TBC1D19: variants seen among roughly 807,000 people sequenced by gnomAD.
The protein encoded by TBC1D19 is TBC1 domain family member 19, also known as TBC1 domain family, member 19.
Under a neutral mutation model 89.0 loss-of-function variants are expected in TBC1D19, and 60 were observed. The ratio of observed to expected loss-of-function variants is 0.67; its 90% CI spans 0.55 to 0.84. The LOEUF (loss-of-function observed/expected upper bound fraction) is 0.84, where lower values mean the gene tolerates loss of function less well. Ranked by LOEUF, TBC1D19 falls within the 40% of genes least tolerant of loss-of-function variation. The pLI is 0.00. For missense variants in TBC1D19, 500 were observed against 610.8 expected (o/e 0.82, Z 1.91); for synonymous variants, 189 against 199.7 (o/e 0.95, Z 0.45).
chr4:26,734,951 CATATGTATATGTATATATGTAT>C, intron 15 of TBC1D19, among the ~76,000 whole-genome samples: 1 of 58,946 alleles, frequency 1.7e-5, no homozygotes, highest in Non-Finnish European at 4.9e-5. Context: ...TATGTATACA[CATATGTATATGTATATATGTAT>C]ACACATATGT....
At chr4:26,756,735 G>C (rs1473732604), downstream of TBC1D19, among the ~76,000 whole-genome samples, 1 of 152,158 alleles carries the variant, frequency 6.6e-6, no homozygotes, top group African/African-American at 2.4e-5. Flanking sequence ...AAGGTCAAGT[G>C]GTAGAAGATG....
chr4:26,738,686 T>C (rs1479723581), intron 16 of TBC1D19, among the ~76,000 whole-genome samples: 14 of 151,994 alleles, frequency 9.2e-5, no homozygotes, highest in Non-Finnish European at 7.4e-5. Context: ...TTTAGATATT[T>C]ACCCCCAAAA....
At chr4:26,751,916 A>C (rs1409926505) in intron 19 of TBC1D19, among the ~76,000 whole-genome samples, 20 of 152,192 alleles carry the variant, frequency 1.3e-4, no homozygotes, top group Admixed American at 1.3e-3. Flanking sequence ...GAAAGCACAC[A>C]GATTTTCATG....
At chr4:26,817,457 G>A in the TBC1D19 span, among the ~76,000 whole-genome samples, 245 of 152,186 alleles carry the variant, frequency 1.6e-3, 3 homozygotes, top group African/African-American at 5.5e-3. Context: ...TGGTAGTTGC[G>A]TGCCCTTGGA....
chr4:26,688,403 A>G lies in TBC1D19; in HGVS notation c.950A>G (p.Tyr317Cys). The G allele has an allele frequency of 6.4e-7, 1 of 1,560,788 alleles. No individual in the cohort carries two copies. The highest frequency in any genetic ancestry group is 2.3e-5 in the East Asian group (1 of 42,742). ...DYYFVFEDYL[Y>C]QVLLCFSRDT... ...TATTTTGTATTTGAAGATTATTTAT[A>G]TCAGGTAAGTTTAAAAATAAAAATA... The change falls in exon 13 of 21, where the codon TAT (tyrosine) becomes TGT (cysteine). Residue 317 changes from tyrosine to cysteine, a missense_variant. Tyr to Cys is a radical substitution (Grantham distance 194). Transcript: ENST00000264866.
At chr4:26,624,294 C>A (rs958471352) in intron 4 of TBC1D19, among the ~76,000 whole-genome samples, 21 of 152,160 alleles carry the variant, frequency 1.4e-4, no homozygotes, top group African/African-American at 5.1e-4. Flanking sequence ...TGAAAGGGAT[C>A]TCTCTCTTGA....
chr4:26,683,719 T>C lies in TBC1D19; in HGVS notation c.861T>C (p.His287=). 6.2e-7 allele frequency: 1 copy of C among 1,613,038 alleles called. No homozygotes were observed. Among genetic ancestry groups the C allele is most frequent in the Non-Finnish European group, 8.5e-7 (1 of 1,179,620 alleles). ...AGCTTAAGACCAATGTGATACAACA[T>C]GACCTTTTGGTGGACAGTCTAATCT... ...YEQLKTNVIQ[H]DLLVDSLIYK... Residue 287 remains histidine, a synonymous_variant, in exon 12 of 21, where the codon CAT becomes CAC. Coordinates refer to ENST00000264866, the MANE Select transcript of TBC1D19 (RefSeq NM_018317.4).
At chr4:26,768,299 C>G in the TBC1D19 span, among the ~76,000 whole-genome samples, 2 of 152,154 alleles carry the variant, frequency 1.3e-5, no homozygotes, top group African/African-American at 4.8e-5. Context: ...CTGTTCTAGT[C>G]CAACCTAGCA....
the TBC1D19 span, among the ~76,000 whole-genome samples, chr4:26,774,425 A>C: frequency 6.6e-6 from 1 of 152,210 alleles, no homozygotes; most frequent in African/African-American, 2.4e-5. Context: ...CAATCCATGA[A>C]CATGGTATAT....
In TBC1D19 at chr4:26,614,408, G is replaced by A. The variant is rs1451771292; in HGVS notation, c.173G>A (p.Gly58Asp). 10 of 1,586,940 alleles carry A rather than the reference G, an allele frequency of 6.3e-6. 1 individual carries two copies. The South Asian group carries it at 9.5e-5, about 15-fold the overall frequency. The change falls in exon 3 of 21, where the codon GGT becomes GAT. Residue 58 changes from glycine (G) to aspartate (D), a missense_variant and splice_region_variant. Transcript: ENST00000264866. Reference protein sequence around the residue: ...EDIKEFFKISGWEKKLQNAVY... With the variant: ...EDIKEFFKISDWEKKLQNAVY... ...ATTTTATTCTTTTTTTAAAAAACAG[G>A]TTGGGAGAAGAAACTTCAGAATGCT...
intron 1 of TBC1D19, among the ~76,000 whole-genome samples, chr4:26,608,846 A>G (rs895396269): frequency 2.6e-5 from 4 of 151,682 alleles, no homozygotes; most frequent in Non-Finnish European, 5.9e-5. Context: ...TTGGGTAAAA[A>G]TAGAATCATG....
the TBC1D19 span, among the ~76,000 whole-genome samples, chr4:26,839,579 C>CT: frequency 1.3e-4 from 20 of 151,826 alleles, no homozygotes; most frequent in African/African-American, 4.4e-4. Flanking sequence ...ATCACCCCCC[C>CT]GCCCTTTCTG....
chr4:26,607,151 C>T (rs896371799), intron 1 of TBC1D19, among the ~76,000 whole-genome samples: 1 of 152,116 alleles, frequency 6.6e-6, no homozygotes, highest in Non-Finnish European at 1.5e-5. Flanking sequence ...CAGGACCATA[C>T]CACAAATGTA....
chr4:26,749,397 G>A (rs1718822091), intron 19 of TBC1D19, among the ~76,000 whole-genome samples: 2 of 150,518 alleles, frequency 1.3e-5, no homozygotes, highest in South Asian at 4.2e-4. Flanking sequence ...CTTAGTTGAA[G>A]AAGAATATGA....
At chr4:26,710,729 G>A (rs1411066236) in intron 13 of TBC1D19, among the ~76,000 whole-genome samples, 10 of 152,278 alleles carry the variant, frequency 6.6e-5, no homozygotes, top group Admixed American at 4.6e-4. Flanking sequence ...ATTCTAACTG[G>A]TGTGAGATGG....
intron 1 of TBC1D19, among the ~76,000 whole-genome samples, chr4:26,605,570 G>A (rs374020683): frequency 4.6e-5 from 7 of 152,006 alleles, no homozygotes; most frequent in Admixed American, 2.6e-4. Flanking sequence ...TATATACCCC[G>A]TAATGGAATG....
the TBC1D19 span, among the ~76,000 whole-genome samples, chr4:26,821,220 C>G: frequency 1.3e-5 from 2 of 152,196 alleles, no homozygotes; most frequent in Non-Finnish European, 2.9e-5. Context: ...AATGCTCCTC[C>G]CTTCCCCATG....
At chr4:26,778,591 A>G in the TBC1D19 span, among the ~76,000 whole-genome samples, 3 of 152,222 alleles carry the variant, frequency 2.0e-5, no homozygotes, top group African/African-American at 4.8e-5. Context: ...TCTTTTTTCC[A>G]TATTACCCTG....
At chr4:26,643,310 C>T (rs1301866538) in intron 7 of TBC1D19, among the ~76,000 whole-genome samples, 1 of 152,204 alleles carries the variant, frequency 6.6e-6, no homozygotes, top group Non-Finnish European at 1.5e-5. Context: ...AACTGAACAA[C>T]TTGCTCCTGA....
Sources: gnomAD v4.1 joint callset for allele counts (sites outside exome capture counted in the v4.1 genomes callset) on GRCh38, gnomAD v4.1.1 for gene constraint, MANE v1.5 for transcripts, NCBI Gene and HGNC (gene_info 2026-07-23, HGNC 2026-07-21) for gene names.